MACROD2: variants seen among roughly 807,000 people sequenced by gnomAD.
MACROD2 encodes the protein ADP-ribose glycohydrolase MACROD2.
In MACROD2, 36 loss-of-function variants were observed where a neutral mutation model predicts 70.4. The ratio of observed to expected loss-of-function variants is 0.51; its 90% CI spans 0.39 to 0.68. The LOEUF (loss-of-function observed/expected upper bound fraction) is 0.68, where lower values mean the gene tolerates loss of function less well. Ranked by LOEUF, MACROD2 falls within the 30% of genes least tolerant of loss-of-function variation. MACROD2 has a pLI of 0.00. For missense variants in MACROD2, 496 were observed against 538.4 expected (o/e 0.92, Z 0.78); for synonymous variants, 172 against 178.8 (o/e 0.96, Z 0.30).
chr20:15,378,132 A>G (rs1295220080), intron 6 of MACROD2, among the ~76,000 whole-genome samples: 2 of 148,946 alleles, frequency 1.3e-5, no homozygotes, highest in Admixed American at 6.6e-5. Flanking sequence ...CCAGAACTTA[A>G]GCTATAAGAA....
At chr20:15,227,105 A>T (rs182122299) in intron 5 of MACROD2, among the ~76,000 whole-genome samples, 263 of 152,288 alleles carry the variant, frequency 1.7e-3, no homozygotes, top group South Asian at 0.017. Context: ...GGATGCTATA[A>T]ATTTAATATA....
chr20:15,265,935 A>C (rs957651893), intron 6 of MACROD2, among the ~76,000 whole-genome samples: 1 of 152,248 alleles, frequency 6.6e-6, no homozygotes, highest in Non-Finnish European at 1.5e-5. Context: ...ATGTTTTAGC[A>C]TCTGCTAACA....
chr20:14,406,456 AAAG>A (rs1295216337), intron 3 of MACROD2, among the ~76,000 whole-genome samples: 13 of 152,120 alleles, frequency 8.5e-5, no homozygotes, highest in African/African-American at 2.9e-4. Flanking sequence ...ATGATGTGTG[AAAG>A]AAGATTTTTA....
chr20:16,002,830 G>T (rs1418943387), intron 15 of MACROD2, among the ~76,000 whole-genome samples: 1 of 152,100 alleles, frequency 6.6e-6, no homozygotes, highest in African/African-American at 2.4e-5. Flanking sequence ...CGCTACTCTA[G>T]TATTTCGCAT....
chr20:15,492,276 G>C lies in MACROD2; in HGVS notation c.572-7498G>C, dbSNP rs181610194. On this transcript the variant is annotated intron_variant, in intron 7 of 17. Transcript: ENST00000684519. ...TTTTATGGGTTGGAAGGAGGCCTAG[G>C]GGGAAGAGGTTGACAAAAGCTGTTT... Among the ~76,000 whole-genome samples, 931 of 152,094 alleles carry C rather than the reference G, an allele frequency of 6.1e-3. 5 individuals are homozygous for C. Among genetic ancestry groups the C allele is most frequent in the Admixed American group, 9.4e-3 (143 of 15,262 alleles).
At chr20:15,507,830 A>C (rs919723808) in intron 8 of MACROD2, among the ~76,000 whole-genome samples, 2 of 152,202 alleles carry the variant, frequency 1.3e-5, no homozygotes, top group Non-Finnish European at 2.9e-5. Flanking sequence ...GACAACATCA[A>C]GGGTTGCTTT....
At chr20:14,184,789 T>C (rs777515628) in intron 3 of MACROD2, among the ~76,000 whole-genome samples, 14 of 152,140 alleles carry the variant, frequency 9.2e-5, no homozygotes, top group Non-Finnish European at 1.6e-4. Context: ...TTTGCAGCAA[T>C]TGTGGATAGG....
At chr20:14,731,140 A>T (rs1043094610) in intron 5 of MACROD2, among the ~76,000 whole-genome samples, 1 of 152,152 alleles carries the variant, frequency 6.6e-6, no homozygotes. Flanking sequence ...ATGTAAAAAT[A>T]ATGCTCAATC....
At chr20:15,623,679 C>CCTATCTATCTGTCTAT (rs1555850036) in intron 8 of MACROD2, among the ~76,000 whole-genome samples, 9 of 148,140 alleles carry the variant, frequency 6.1e-5, no homozygotes, top group African/African-American at 2.3e-4. Context: ...AAGTTATCTG[C>CCTATCTATCTGTCTAT]CTATCTATCT....
chr20:15,166,868 G>C (rs944260046), intron 5 of MACROD2, among the ~76,000 whole-genome samples: 4 of 150,638 alleles, frequency 2.7e-5, no homozygotes, highest in Non-Finnish European at 5.9e-5. Flanking sequence ...TTAAATTTAA[G>C]TATTAACTTA....
chr20:15,745,735 T>C (rs2051173491), intron 8 of MACROD2, among the ~76,000 whole-genome samples: 1 of 152,202 alleles, frequency 6.6e-6, no homozygotes, highest in Non-Finnish European at 1.5e-5. Flanking sequence ...CACATCATAG[T>C]ACAGTACAGG....
chr20:15,893,166 A>G (rs183685193), intron 10 of MACROD2, among the ~76,000 whole-genome samples: 1 of 152,376 alleles, frequency 6.6e-6, no homozygotes, highest in Admixed American at 6.5e-5. Context: ...ATGTTTGAAG[A>G]TGAAGAATCA....
intron 5 of MACROD2, among the ~76,000 whole-genome samples, chr20:15,028,904 G>A (rs149537281): frequency 1.5e-3 from 231 of 152,290 alleles, no homozygotes; most frequent in African/African-American, 5.2e-3. Context: ...AATGGGCAAG[G>A]AAGAACAAGA....
At chr20:15,372,202 A>G (rs930984589) in intron 6 of MACROD2, among the ~76,000 whole-genome samples, 32 of 152,324 alleles carry the variant, frequency 2.1e-4, no homozygotes, top group Middle Eastern at 3.4e-3. Flanking sequence ...CTTTGCACAC[A>G]TTTTTAAGAG....
At chr20:14,672,455 G>C (rs78861284) in intron 4 of MACROD2, among the ~76,000 whole-genome samples, 4,559 of 152,320 alleles carry the variant, frequency 0.03, 99 homozygotes, top group Non-Finnish European at 0.044. Flanking sequence ...GATTAGCCTA[G>C]ATTCAAGTGG....
intron 5 of MACROD2, among the ~76,000 whole-genome samples, chr20:15,120,323 T>G (rs1160319732): frequency 6.6e-6 from 1 of 152,186 alleles, no homozygotes; most frequent in Non-Finnish European, 1.5e-5. Flanking sequence ...CGCACACATT[T>G]TCTTTCATGG....
intron 5 of MACROD2, among the ~76,000 whole-genome samples, chr20:14,763,892 A>G (rs181280941): frequency 6.6e-6 from 1 of 152,074 alleles, no homozygotes; most frequent in African/African-American, 2.4e-5. Context: ...ATAGATTTAG[A>G]CTGTCTTACC....
At chr20:15,858,370 G>T (rs2064382318) in intron 8 of MACROD2, among the ~76,000 whole-genome samples, 1 of 152,066 alleles carries the variant, frequency 6.6e-6, no homozygotes, top group South Asian at 2.1e-4. Context: ...GCTAGTATGG[G>T]GCATATGGGC....
chr20:15,779,541 A>G (rs2051793937), intron 8 of MACROD2, among the ~76,000 whole-genome samples: 1 of 152,140 alleles, frequency 6.6e-6, no homozygotes, highest in South Asian at 2.1e-4. Context: ...AGCCAGTAAC[A>G]ATTAGAGATT....
Sources: allele counts gnomAD v4.1 joint callset (sites outside exome capture counted in the v4.1 genomes callset), GRCh38; gene constraint gnomAD v4.1.1; transcripts MANE v1.5; gene names NCBI Gene and HGNC (gene_info 2026-07-23, HGNC 2026-07-21).